The following DKK2 variants were observed in gnomAD, a reference collection of about 807,000 sequenced individuals.
DKK2 encodes the protein dickkopf-related protein 2.
In DKK2, 11 loss-of-function variants were observed where a neutral mutation model predicts 28.1. The ratio of observed to expected loss-of-function variants is 0.39; its 90% CI spans 0.25 to 0.65. The LOEUF (loss-of-function observed/expected upper bound fraction) is 0.65. Among genes scored for constraint, DKK2 ranks in the 30% least tolerant of loss-of-function variants. The pLI, the probability that DKK2 is intolerant of heterozygous loss-of-function variation, is 0.47. For synonymous variants in DKK2, 135 were observed against 126.5 expected (o/e 1.07, Z -0.45); for missense variants, 326 against 335.5 (o/e 0.97, Z 0.22).
intron 1 of DKK2, among the ~76,000 whole-genome samples, chr4:106,970,502 C>T (rs1171172417): frequency 6.6e-6 from 1 of 151,988 alleles, no homozygotes; most frequent in Non-Finnish European, 1.5e-5. Flanking sequence ...TACCATTATC[C>T]ATGTTATCAT....
intron 1 of DKK2, among the ~76,000 whole-genome samples, chr4:106,958,694 G>A (rs113232453): frequency 0.088 from 13,297 of 151,728 alleles, 691 homozygotes; most frequent in African/African-American, 0.14. Flanking sequence ...AAAATTAGCC[G>A]GATGTGGTGG....
chr4:107,026,763 A>T (rs1397547601), intron 1 of DKK2, among the ~76,000 whole-genome samples: 3 of 152,204 alleles, frequency 2.0e-5, no homozygotes, highest in Admixed American at 1.3e-4. Flanking sequence ...TATGAGGTTA[A>T]CAGTAAAGGT....
Position 106,998,116 on chromosome 4 carries a change from A to G in DKK2, c.222+37254T>C, listed in dbSNP as rs1335988169. On this transcript the variant is annotated intron_variant, in intron 1 of 3. Transcript: ENST00000285311. Reference sequence around the variant, plus strand: ...TAAGTAGGTGAGGTAGGAGAATGCTAAACAACTAGCATGGAGGGCTTGAAA... The same window carrying G: ...TAAGTAGGTGAGGTAGGAGAATGCTGAACAACTAGCATGGAGGGCTTGAAA... 2.0e-5 allele frequency among the ~76,000 whole-genome samples: 3 copies of G among 152,194 alleles called. No homozygotes were observed. The East Asian group carries it at 5.8e-4, about 29-fold the overall frequency.
At chr4:106,977,262 T>C (rs896730602) in intron 1 of DKK2, among the ~76,000 whole-genome samples, 2 of 152,202 alleles carry the variant, frequency 1.3e-5, no homozygotes, top group Non-Finnish European at 2.9e-5. Context: ...GTTCTCTGTA[T>C]TTCCCGAATT....
chr4:106,985,605 T>C (rs899304405), intron 1 of DKK2, among the ~76,000 whole-genome samples: 1 of 151,618 alleles, frequency 6.6e-6, no homozygotes. Flanking sequence ...GGTCAGGAGT[T>C]TGAAACCATC....
intron 1 of DKK2, among the ~76,000 whole-genome samples, chr4:106,948,486 A>C (rs75344213): frequency 6.6e-6 from 1 of 152,186 alleles, no homozygotes; most frequent in Non-Finnish European, 1.5e-5. Flanking sequence ...TGTAGGGGGT[A>C]CTTGCTTTCT....
At chr4:106,957,788 G>A (rs1192435683) in intron 1 of DKK2, among the ~76,000 whole-genome samples, 1 of 143,916 alleles carries the variant, frequency 6.9e-6, no homozygotes, top group African/African-American at 2.6e-5. Context: ...AGCATTAGGA[G>A]ATATACCTAA....
At chr4:106,968,593 A>T (rs140159023) in intron 1 of DKK2, among the ~76,000 whole-genome samples, 1,862 of 142,048 alleles carry the variant, frequency 0.013, 9 homozygotes, top group Middle Eastern at 0.059. Flanking sequence ...TCTTAAAATT[A>T]TTGCAAACAT....
rs367588726 is a variant in DKK2 at position 107,009,201 on chromosome 4, GA to G, written c.222+26168del. On this transcript the variant is annotated intron_variant, in intron 1 of 3. Transcript: ENST00000285311. Reference sequence around the variant, plus strand: ...TAGGTGTCTACTGTCTTCAACCACAGAAAAAAAAAATCCCCATTAATTTTAA... The same window carrying G: ...TAGGTGTCTACTGTCTTCAACCACAGAAAAAAAAATCCCCATTAATTTTAA... 4.3e-3 allele frequency among the ~76,000 whole-genome samples: 632 copies of G among 147,904 alleles called. 4 individuals are homozygous for G. The highest frequency in any genetic ancestry group is 0.026 in the South Asian group (125 of 4,720).
At chr4:106,990,673 C>T (rs1441065667) in intron 1 of DKK2, among the ~76,000 whole-genome samples, 1 of 152,034 alleles carries the variant, frequency 6.6e-6, no homozygotes, top group Non-Finnish European at 1.5e-5. Flanking sequence ...GCAGAATGTG[C>T]TCTCTCCAAG....
intron 1 of DKK2, among the ~76,000 whole-genome samples, chr4:106,989,196 A>G (rs1439062697): frequency 6.6e-6 from 1 of 152,216 alleles, no homozygotes; most frequent in African/African-American, 2.4e-5. Context: ...TTTTGAGGAA[A>G]GTTTTAAAAT....
intron 1 of DKK2, among the ~76,000 whole-genome samples, chr4:107,017,905 A>G (rs1044824446): frequency 7.2e-5 from 11 of 152,112 alleles, no homozygotes; most frequent in Admixed American, 5.2e-4. Flanking sequence ...AATGATTGAA[A>G]AAAACACCCA....
chr4:107,029,913 AT>A (rs540180420), intron 1 of DKK2, among the ~76,000 whole-genome samples: 4 of 152,050 alleles, frequency 2.6e-5, no homozygotes, highest in African/African-American at 9.7e-5. Context: ...GATAAGTAAC[AT>A]TTTTTTAAAA....
intron 1 of DKK2, among the ~76,000 whole-genome samples, chr4:107,032,367 A>G (rs1723887656): frequency 6.6e-6 from 1 of 152,096 alleles, no homozygotes; most frequent in African/African-American, 2.4e-5. Context: ...ATTTTCTAGA[A>G]GTGATATTAC....
At chr4:106,982,871 C>CA (rs35733676) in intron 1 of DKK2, among the ~76,000 whole-genome samples, 28,353 of 100,578 alleles carry the variant, frequency 0.28, 3,093 homozygotes, top group East Asian at 0.5. Flanking sequence ...GACTCCATCT[C>CA]AAAAAAAAAA....
chr4:107,011,817 G>T (rs1344085237), intron 1 of DKK2, among the ~76,000 whole-genome samples: 1 of 151,260 alleles, frequency 6.6e-6, no homozygotes, highest in Non-Finnish European at 1.5e-5. Flanking sequence ...TACCCAAAGT[G>T]TTTTGCACCA....
At chr4:106,954,590 C>T (rs1328986218) in intron 1 of DKK2, among the ~76,000 whole-genome samples, 2 of 152,088 alleles carry the variant, frequency 1.3e-5, no homozygotes, top group East Asian at 1.9e-4. Flanking sequence ...GGCATGATCT[C>T]GGCTCACTGC....
chr4:106,983,440 A>T (rs1723064804), intron 1 of DKK2, among the ~76,000 whole-genome samples: 1 of 152,110 alleles, frequency 6.6e-6, no homozygotes, highest in Non-Finnish European at 1.5e-5. Flanking sequence ...CACAAGAATT[A>T]ACTCAAAAGT....
intron 1 of DKK2, among the ~76,000 whole-genome samples, chr4:107,031,999 T>G (rs541126926): frequency 2.2e-4 from 33 of 151,918 alleles, no homozygotes; most frequent in Non-Finnish European, 4.1e-4. Flanking sequence ...TGAAACAGTA[T>G]CCTTAGAAAT....
Sources: gnomAD v4.1 joint callset for allele counts (sites outside exome capture counted in the v4.1 genomes callset) on GRCh38, gnomAD v4.1.1 for gene constraint, MANE v1.5 for transcripts, NCBI Gene and HGNC (gene_info 2026-07-23, HGNC 2026-07-21) for gene names.